Variants in SLC35D4 observed in about 807,000 individuals in gnomAD.
The protein encoded by SLC35D4 is solute carrier family 35 member D4, also known as UDP-N-acetylglucosamine transporter SLC35D4.
the SLC35D4 span, among the ~76,000 whole-genome samples, chr18:23,345,117 C>G: frequency 6.6e-6 from 1 of 152,002 alleles, no homozygotes; most frequent in Admixed American, 6.6e-5. Context: ...TGATGGCGAG[C>G]AAGGATCTAA....
chr18:23,427,115 C>T, the SLC35D4 span, among the ~76,000 whole-genome samples: 2 of 152,102 alleles, frequency 1.3e-5, no homozygotes, highest in Non-Finnish European at 2.9e-5. Flanking sequence ...TGGGCAAGGA[C>T]TTCATGACTA....
chr18:23,299,315 A>T, the SLC35D4 span, among the ~76,000 whole-genome samples: 1 of 152,116 alleles, frequency 6.6e-6, no homozygotes, highest in African/African-American at 2.4e-5. Flanking sequence ...CAGGATTACT[A>T]TTATTTTCCA....
At chr18:23,408,816 CTTT>C in the SLC35D4 span, among the ~76,000 whole-genome samples, 16 of 114,850 alleles carry the variant, frequency 1.4e-4, no homozygotes, top group African/African-American at 3.1e-4. Context: ...TCTTATCTCT[CTTT>C]TTTTTTTTTT....
the SLC35D4 span, among the ~76,000 whole-genome samples, chr18:23,394,128 A>G: frequency 1.3e-5 from 2 of 152,198 alleles, no homozygotes; most frequent in African/African-American, 4.8e-5. Context: ...TTGAAGAAGC[A>G]CCATACTGTT....
chr18:23,318,135 T>C, the SLC35D4 span, among the ~76,000 whole-genome samples: 1 of 152,190 alleles, frequency 6.6e-6, no homozygotes, highest in Non-Finnish European at 1.5e-5. Context: ...GCCATACTAG[T>C]GGGTGTGAAG....
At chr18:23,333,734 G>T in the SLC35D4 span, among the ~76,000 whole-genome samples, 4 of 152,234 alleles carry the variant, frequency 2.6e-5, no homozygotes, top group Admixed American at 2.6e-4. Flanking sequence ...GGTAGCAACT[G>T]CTGACTGCAT....
At chr18:23,308,662 CGTTGTCCCCCA>C in the SLC35D4 span, among the ~76,000 whole-genome samples, 1 of 152,246 alleles carries the variant, frequency 6.6e-6, no homozygotes, top group African/African-American at 2.4e-5. Flanking sequence ...CCCTTGGCAC[CGTTGTCCCCCA>C]GCATCCCCAT....
At chr18:23,434,706 A>G in the SLC35D4 span, among the ~76,000 whole-genome samples, 4 of 152,240 alleles carry the variant, frequency 2.6e-5, no homozygotes, top group East Asian at 7.7e-4. Flanking sequence ...AGGTGTGTGG[A>G]TCGCTTGAGC....
At chr18:23,363,333 A>G in the SLC35D4 span, among the ~76,000 whole-genome samples, 2 of 149,414 alleles carry the variant, frequency 1.3e-5, no homozygotes. Flanking sequence ...ATCTGTGAAC[A>G]TAACTTTCCA....
chr18:23,421,574 C>G, the SLC35D4 span: 1 of 728,174 alleles, frequency 1.4e-6, no homozygotes, highest in Non-Finnish European at 2.3e-6. Flanking sequence ...TTCTCCTACT[C>G]TCTCCCAATT....
chr18:23,333,366 A>C, the SLC35D4 span, among the ~76,000 whole-genome samples: 3 of 152,248 alleles, frequency 2.0e-5, no homozygotes, highest in African/African-American at 7.2e-5. Flanking sequence ...GCACTCTCTC[A>C]GTGCTTAAAA....
chr18:23,414,295 GAGGAAGGAAGGAAGGA>G, the SLC35D4 span, among the ~76,000 whole-genome samples: 2 of 124,048 alleles, frequency 1.6e-5, no homozygotes, highest in African/African-American at 3.1e-5. Flanking sequence ...AAAAGGAAAG[GAGGAAGGAAGGAAGGA>G]AGGAAGGAAG....
At chr18:23,342,597 T>C in the SLC35D4 span, among the ~76,000 whole-genome samples, 1,574 of 152,302 alleles carry the variant, frequency 0.01, 26 homozygotes, top group African/African-American at 0.036. Flanking sequence ...TTCTTAAGAA[T>C]AGAATTGCTA....
the SLC35D4 span, among the ~76,000 whole-genome samples, chr18:23,395,847 T>A: frequency 6.6e-6 from 1 of 152,194 alleles, no homozygotes; most frequent in Non-Finnish European, 1.5e-5. Flanking sequence ...CAGGCCCGAA[T>A]CAGCCCAAGT....
At chr18:23,365,428 C>T in the SLC35D4 span, among the ~76,000 whole-genome samples, 2 of 152,176 alleles carry the variant, frequency 1.3e-5, no homozygotes, top group African/African-American at 2.4e-5. Flanking sequence ...GATGAAAACA[C>T]AGACAACAAG....
At chr18:23,331,859 TGC>T in the SLC35D4 span, among the ~76,000 whole-genome samples, 1 of 150,574 alleles carries the variant, frequency 6.6e-6, no homozygotes, top group Non-Finnish European at 1.5e-5. Flanking sequence ...TGAATAAAGC[TGC>T]CATGGATTTT....
At chr18:23,247,252 G>C in the SLC35D4 span, among the ~76,000 whole-genome samples, 2 of 152,244 alleles carry the variant, frequency 1.3e-5, no homozygotes, top group Non-Finnish European at 2.9e-5. Flanking sequence ...GGAGAATCAT[G>C]ACCTCCTGTA....
chr18:23,376,476 C>T, the SLC35D4 span, among the ~76,000 whole-genome samples: 10 of 152,356 alleles, frequency 6.6e-5, no homozygotes, highest in South Asian at 2.1e-3. Context: ...GCCTGCCCTA[C>T]TCCTATAGCC....
the SLC35D4 span, among the ~76,000 whole-genome samples, chr18:23,319,124 G>A: frequency 0.012 from 1,808 of 152,138 alleles, 36 homozygotes; most frequent in African/African-American, 0.042. Flanking sequence ...GATTACAGAT[G>A]TGAGGCACCG....
Sources: gnomAD v4.1 joint callset for allele counts (sites outside exome capture counted in the v4.1 genomes callset) on GRCh38, gnomAD v4.1.1 for gene constraint, MANE v1.5 for transcripts, NCBI Gene and HGNC (gene_info 2026-07-23, HGNC 2026-07-21) for gene names.